The following PRKG1 variants were observed in gnomAD, a reference collection of about 807,000 sequenced individuals.
PRKG1 encodes the protein cGMP-dependent protein kinase 1.
A neutral mutation model predicts 88.1 loss-of-function variants in PRKG1; 35 were observed. The observed-to-expected ratio is 0.40, with a 90% confidence interval of 0.30 to 0.53. PRKG1 has a LOEUF of 0.53. Among genes scored for constraint, PRKG1 ranks in the 20% least tolerant of loss-of-function variants. The probability of loss-of-function intolerance (pLI) is 0.59; values close to 1 mark genes in which losing one functional copy is unlikely to be tolerated. For missense variants in PRKG1, 540 were observed against 839.8 expected (o/e 0.64, Z 4.41); for synonymous variants, 303 against 292.5 (o/e 1.04, Z -0.37).
Position 51,621,007 on chromosome 10 carries a change from G to GTATATATATATATATATATA in PRKG1, c.592+153172_592+153173insATATATATATATATATATAT, listed in dbSNP as rs370817382. On this transcript the variant is annotated intron_variant, in intron 3 of 17. Coordinates refer to ENST00000373980, the MANE Select transcript of PRKG1 (RefSeq NM_006258.4). ...TATGTGTGTGTGTGTGTGTATATGT[G>GTATATATATATATATATATA]TGTATATATATATATATATATATAT... Among the ~76,000 whole-genome samples, 1,032 of 121,890 alleles carry GTATATATATATATATATATA rather than the reference G, an allele frequency of 8.5e-3. 16 individuals carry two copies. Among genetic ancestry groups the GTATATATATATATATATATA allele is most frequent in the East Asian group, 0.037 (117 of 3,136 alleles). 80.0% of individuals were successfully genotyped at this position (121,890 alleles called of 152,430 possible). A position where few individuals can be genotyped will look rare whatever the true frequency, so the allele number is the denominator to read the frequency against.
At chr10:52,177,173 A>C (rs1838889032) in intron 9 of PRKG1, among the ~76,000 whole-genome samples, 2 of 152,048 alleles carry the variant, frequency 1.3e-5, no homozygotes, top group Non-Finnish European at 2.9e-5. Flanking sequence ...ATTGTGTTGA[A>C]GTATGTTCAT....
chr10:51,968,095 A>G (rs1024770174), intron 5 of PRKG1, among the ~76,000 whole-genome samples: 2 of 152,168 alleles, frequency 1.3e-5, no homozygotes, highest in African/African-American at 2.4e-5. Context: ...ATTGCCTTCT[A>G]GAGTTTTGTT....
intron 3 of PRKG1, among the ~76,000 whole-genome samples, chr10:51,756,598 G>A (rs899896990): frequency 7.2e-5 from 11 of 151,808 alleles, no homozygotes; most frequent in Admixed American, 1.3e-4. Flanking sequence ...GGCGGATAAC[G>A]AGGTCAGGAG....
At position 51,972,886 on chromosome 10, in the gene PRKG1, A is replaced by C. The variant is rs562055059; in HGVS notation, c.762+65316A>C. Among the ~76,000 whole-genome samples the C allele has an allele frequency of 3.6e-4, 55 of 152,262 alleles. 2 individuals carry two copies. In the South Asian group the frequency reaches 8.5e-3, roughly 24 times the overall value. Reference sequence around the variant, plus strand: ...TTTGTATTTTTGCCACTTCATTGGAAATGTCAGTTCTGCCCACAGCAATTC... The same window carrying C: ...TTTGTATTTTTGCCACTTCATTGGACATGTCAGTTCTGCCCACAGCAATTC... On this transcript the variant is annotated intron_variant, in intron 5 of 17. Coordinates refer to ENST00000373980, the MANE Select transcript of PRKG1 (RefSeq NM_006258.4).
chr10:51,408,687 G>T (rs1190945949), intron 2 of PRKG1, among the ~76,000 whole-genome samples: 1 of 152,216 alleles, frequency 6.6e-6, no homozygotes, highest in East Asian at 1.9e-4. Context: ...GCCTTAGTGA[G>T]TGGAAGTCCG....
At chr10:51,506,257 T>G (rs1195275671) in intron 3 of PRKG1, among the ~76,000 whole-genome samples, 2 of 152,168 alleles carry the variant, frequency 1.3e-5, no homozygotes, top group Non-Finnish European at 1.5e-5. Flanking sequence ...AAGGACTTCA[T>G]GTCTAAAACA....
intron 1 of PRKG1, among the ~76,000 whole-genome samples, chr10:51,145,487 G>C (rs967051649): frequency 3.9e-5 from 6 of 152,096 alleles, no homozygotes; most frequent in Non-Finnish European, 5.9e-5. Context: ...TCTCAGGCAA[G>C]GCACTTTACG....
chr10:51,753,224 G>A (rs1837771705), intron 3 of PRKG1, among the ~76,000 whole-genome samples: 1 of 151,822 alleles, frequency 6.6e-6, no homozygotes, highest in South Asian at 2.1e-4. Flanking sequence ...AAAATATTTA[G>A]GAAGAAATCA....
At chr10:51,428,816 G>A (rs893453113) in intron 2 of PRKG1, among the ~76,000 whole-genome samples, 1 of 152,290 alleles carries the variant, frequency 6.6e-6, no homozygotes. Context: ...CAACAGACTA[G>A]TATGCTACAG....
intron 4 of PRKG1, among the ~76,000 whole-genome samples, chr10:51,900,651 TAATTTTTGGTTGAAAGTTTG>T (rs1264406176): frequency 1.3e-5 from 2 of 152,192 alleles, no homozygotes; most frequent in Non-Finnish European, 2.9e-5. Context: ...TCTGAAGTTT[TAATTTTTGGTTGAAAGTTTG>T]AATTTTATCA....
chr10:52,027,323 G>C (rs1044650961), intron 5 of PRKG1, among the ~76,000 whole-genome samples: 3 of 152,148 alleles, frequency 2.0e-5, no homozygotes, highest in Non-Finnish European at 2.9e-5. Flanking sequence ...GGTGGAGGGT[G>C]GTGGATGAGG....
chr10:51,198,478 T>C (rs1837830281), intron 2 of PRKG1, among the ~76,000 whole-genome samples: 1 of 152,200 alleles, frequency 6.6e-6, no homozygotes, highest in African/African-American at 2.4e-5. Flanking sequence ...CCCCATAAAT[T>C]AGTGTAACTT....
intron 2 of PRKG1, among the ~76,000 whole-genome samples, chr10:51,426,385 A>G (rs1838586236): frequency 6.6e-6 from 1 of 152,208 alleles, no homozygotes; most frequent in Non-Finnish European, 1.5e-5. Flanking sequence ...ATTAGGCACC[A>G]GGGAAATGGA....
At chr10:51,928,858 T>C (rs1394400181) in intron 5 of PRKG1, among the ~76,000 whole-genome samples, 1 of 152,186 alleles carries the variant, frequency 6.6e-6, no homozygotes, top group Non-Finnish European at 1.5e-5. Context: ...CGCAATTATA[T>C]ATAGTAGTCT....
chr10:51,085,422 G>C (rs1424577714), intron 1 of PRKG1, among the ~76,000 whole-genome samples: 1 of 152,136 alleles, frequency 6.6e-6, no homozygotes, highest in Non-Finnish European at 1.5e-5. Context: ...AGTGGGAAGA[G>C]AGAAATAAGA....
chr10:51,710,962 G>A (rs1589223560), intron 3 of PRKG1, among the ~76,000 whole-genome samples: 1 of 152,282 alleles, frequency 6.6e-6, no homozygotes, highest in East Asian at 1.9e-4. Flanking sequence ...TCCCGAAGGT[G>A]CTGTGATTAC....
intron 3 of PRKG1, among the ~76,000 whole-genome samples, chr10:51,690,964 A>G (rs749071456): frequency 2.0e-5 from 3 of 147,748 alleles, no homozygotes; most frequent in Non-Finnish European, 4.5e-5. Context: ...ATTACGTTCC[A>G]TTATGTATAC....
chr10:52,066,486 C>T (rs551758027), intron 7 of PRKG1, among the ~76,000 whole-genome samples: 35 of 152,192 alleles, frequency 2.3e-4, no homozygotes, highest in African/African-American at 6.5e-4. Context: ...ACAAATGAAC[C>T]TCTCGAATGA....
chr10:52,039,330 G>T (rs915260990), intron 5 of PRKG1, among the ~76,000 whole-genome samples: 26 of 152,134 alleles, frequency 1.7e-4, no homozygotes, highest in Admixed American at 1.2e-3. Context: ...GTGCTCAGTG[G>T]GGGTGCTTTT....
Sources: allele counts gnomAD v4.1 joint callset (sites outside exome capture counted in the v4.1 genomes callset), GRCh38; gene constraint gnomAD v4.1.1; transcripts MANE v1.5; gene names NCBI Gene and HGNC (gene_info 2026-07-23, HGNC 2026-07-21).